Variants in RNF220 observed in about 807,000 individuals in gnomAD.
RNF220 encodes the protein ring finger protein 220.
In RNF220, 7 loss-of-function variants were observed where a neutral mutation model predicts 67.1. That is an observed-to-expected ratio of 0.10 (90% CI 0.06 to 0.20). RNF220 has a LOEUF of 0.20. Among genes scored for constraint, RNF220 ranks in the 10% least tolerant of loss-of-function variants. The pLI, the probability that RNF220 is intolerant of heterozygous loss-of-function variation, is 1.00. For synonymous variants in RNF220, 270 were observed against 283.2 expected, an observed-to-expected ratio of 0.95 and a Z score of 0.47; for missense variants, 565 against 740.3, an observed-to-expected ratio of 0.76 and a Z score of 2.75.
intron 2 of RNF220, among the ~76,000 whole-genome samples, chr1:44,498,554 T>C (rs1657550595): frequency 6.6e-6 from 1 of 152,142 alleles, no homozygotes; most frequent in Non-Finnish European, 1.5e-5. Context: ...GAGCGCAGGC[T>C]CACAACTGGG....
chr1:44,472,968 C>T (rs1227738963), intron 2 of RNF220, among the ~76,000 whole-genome samples: 2 of 152,118 alleles, frequency 1.3e-5, no homozygotes, highest in African/African-American at 2.4e-5. Context: ...ACATACGTTC[C>T]GGACAGGATG....
chr1:44,519,240 A>G (rs916485723), intron 2 of RNF220, among the ~76,000 whole-genome samples: 1 of 151,708 alleles, frequency 6.6e-6, no homozygotes, highest in African/African-American at 2.4e-5. Flanking sequence ...TCAGTCATTT[A>G]TTTATTTAGT....
intron 2 of RNF220, among the ~76,000 whole-genome samples, chr1:44,450,209 TC>T (rs886212929): frequency 7.9e-5 from 12 of 151,276 alleles, no homozygotes; most frequent in African/African-American, 2.7e-4. Flanking sequence ...AAACTCCGTG[TC>T]AAAAAAAAAA....
Position 44,613,651 on chromosome 1 carries a change from C to T in RNF220, c.626-514C>T, listed in dbSNP as rs1414706185. ...CAGCACTTTGGGAGACCAAGGCTGG[C>T]AGATGACTTGAGGCCAGGAGTTTGA... On this transcript the variant is annotated intron_variant, in intron 2 of 14. Transcript: ENST00000361799. Among the ~76,000 whole-genome samples the T allele has an allele frequency of 2.6e-5, 4 of 152,192 alleles. No individual in the cohort carries two copies. In the South Asian group the frequency reaches 6.2e-4, roughly 24 times the overall value.
chr1:44,487,773 A>C (rs1229266135), intron 2 of RNF220, among the ~76,000 whole-genome samples: 2 of 149,960 alleles, frequency 1.3e-5, no homozygotes, highest in African/African-American at 4.9e-5. Flanking sequence ...CCAGCTACTC[A>C]GGAGACTGAG....
intron 2 of RNF220, among the ~76,000 whole-genome samples, chr1:44,498,940 C>G (rs1657586719): frequency 6.6e-6 from 1 of 152,174 alleles, no homozygotes; most frequent in Non-Finnish European, 1.5e-5. Flanking sequence ...ACCTCAGTCA[C>G]AGACTCTGAT....
chr1:44,615,158 C>T (rs1483126247), intron 3 of RNF220, among the ~76,000 whole-genome samples: 1 of 152,144 alleles, frequency 6.6e-6, no homozygotes, highest in African/African-American at 2.4e-5. Flanking sequence ...TGGGCTTCCT[C>T]ATAGCTTGCC....
At chr1:44,453,545 A>T (rs1652889107) in intron 2 of RNF220, among the ~76,000 whole-genome samples, 1 of 152,076 alleles carries the variant, frequency 6.6e-6, no homozygotes, top group Non-Finnish European at 1.5e-5. Context: ...TTTTTGAAGG[A>T]TCTTTTCATG....
intron 2 of RNF220, among the ~76,000 whole-genome samples, chr1:44,548,980 A>C (rs978669368): frequency 3.3e-5 from 5 of 152,228 alleles, no homozygotes; most frequent in African/African-American, 7.2e-5. Context: ...CGGGCAGATC[A>C]GTTCCAGACC....
chr1:44,561,797 A>G (rs1396805822), intron 2 of RNF220, among the ~76,000 whole-genome samples: 1 of 152,106 alleles, frequency 6.6e-6, no homozygotes, highest in African/African-American at 2.4e-5. Flanking sequence ...CACACCTGTA[A>G]TCCTAGCTAC....
At chr1:44,580,623 C>T (rs566106416) in intron 2 of RNF220, among the ~76,000 whole-genome samples, 98 of 152,320 alleles carry the variant, frequency 6.4e-4, no homozygotes, top group African/African-American at 2.1e-3. Context: ...ATGTCTGGAG[C>T]CTCCTGGCCT....
rs1309804789 is a variant in RNF220 at position 44,499,949 on chromosome 1, C to T, written c.625+87227C>T. Among the ~76,000 whole-genome samples the T allele has an allele frequency of 3.3e-5, 5 of 152,332 alleles. No homozygotes were observed. The South Asian group carries it at 1.0e-3, about 32-fold the overall frequency. Reference sequence around the variant, plus strand: ...ACTCTGGTCTCCCACACCATTCATACTGCCTATCAGCAAATCCTGTTGGTT... The same window carrying T: ...ACTCTGGTCTCCCACACCATTCATATTGCCTATCAGCAAATCCTGTTGGTT... On this transcript the variant is annotated intron_variant, in intron 2 of 14. Transcript: ENST00000361799.
intron 2 of RNF220, among the ~76,000 whole-genome samples, chr1:44,460,782 G>GCAATAA (rs1653689020): frequency 6.6e-6 from 1 of 152,246 alleles, no homozygotes; most frequent in Non-Finnish European, 1.5e-5. Context: ...TTCTAAGCCT[G>GCAATAA]AAGTGCCAGA....
intron 2 of RNF220, among the ~76,000 whole-genome samples, chr1:44,513,479 A>T (rs933126833): frequency 2.7e-5 from 3 of 110,642 alleles, no homozygotes; most frequent in African/African-American, 5.4e-5. Flanking sequence ...AGGCCCTTTT[A>T]AAAAAAAACA....
intron 1 of RNF220, 81 bp downstream of exon 1, chr1:44,405,611 C>A: frequency 3.5e-6 from 1 of 287,480 alleles, no homozygotes; most frequent in Non-Finnish European, 6.5e-6. Flanking sequence ...TGTTCAGGAA[C>A]CTGGCTAACT....
At chr1:44,530,661 AC>A (rs1194402785) in intron 2 of RNF220, among the ~76,000 whole-genome samples, 1 of 152,186 alleles carries the variant, frequency 6.6e-6, no homozygotes, top group African/African-American at 2.4e-5. Flanking sequence ...AATAATGCTG[AC>A]AATTTAAAAT....
rs11585280 is a variant in RNF220, at chr1:44,639,112, T to A, written c.1126+2950T>A. Among the ~76,000 whole-genome samples the A allele has an allele frequency of 6.9e-3, 1,044 of 152,354 alleles. 6 individuals carry two copies. The highest frequency in any genetic ancestry group is 0.012 in the Non-Finnish European group (806 of 68,028). ...GAAAAGATGTTTTTCTTGGGTACCA[T>A]GCCAAACCTGGGCAGAGCAAGGGGC... On this transcript the variant is annotated intron_variant, in intron 8 of 14. Coordinates refer to ENST00000361799, the MANE Select transcript of RNF220 (RefSeq NM_018150.4).
intron 2 of RNF220, among the ~76,000 whole-genome samples, chr1:44,575,687 A>G (rs1000768559): frequency 6.6e-6 from 1 of 152,246 alleles, no homozygotes; most frequent in African/African-American, 2.4e-5. Flanking sequence ...GGGAACTCTT[A>G]TACACAGTTG....
At chr1:44,602,765 A>C (rs1667011738) in intron 2 of RNF220, among the ~76,000 whole-genome samples, 1 of 151,328 alleles carries the variant, frequency 6.6e-6, no homozygotes, top group African/African-American at 2.4e-5. Flanking sequence ...GCCCCACCCC[A>C]TCCGGCCTGA....
Sources: allele counts gnomAD v4.1 joint callset (sites outside exome capture counted in the v4.1 genomes callset), GRCh38; gene constraint gnomAD v4.1.1; transcripts MANE v1.5; gene names NCBI Gene and HGNC (gene_info 2026-07-23, HGNC 2026-07-21).